Variants in ECEL1 observed in about 807,000 individuals in gnomAD.
The protein encoded by ECEL1 is endothelin converting enzyme like 1, also known as endothelin-converting enzyme-like 1.
Under a neutral mutation model 101.8 loss-of-function variants are expected in ECEL1, and 87 were observed. The observed-to-expected ratio is 0.85, with a 90% confidence interval of 0.72 to 1.02. The LOEUF (loss-of-function observed/expected upper bound fraction) is 1.02, where lower values mean the gene tolerates loss of function less well. Among genes scored for constraint, ECEL1 ranks in the 50% least tolerant of loss-of-function variants. The pLI, the probability that ECEL1 is intolerant of heterozygous loss-of-function variation, is 0.00. For missense variants in ECEL1, 1,032 were observed against 1,079.2 expected (o/e 0.96, Z 0.61); for synonymous variants, 487 against 468.7 (o/e 1.04, Z -0.50).
intron 4 of ECEL1, 42 bp from the exon 5 acceptor site, chr2:232,484,935 T>C: frequency 6.2e-7 from 1 of 1,612,976 alleles, no homozygotes; most frequent in East Asian, 2.2e-5. Flanking sequence ...TGCTCCATGA[T>C]GCCCTCCCTC....
chr2:232,480,536 T>G, intron 16 of ECEL1, 61 bp from the exon 17 acceptor site: 1 of 1,601,466 alleles, frequency 6.2e-7, no homozygotes, highest in South Asian at 1.1e-5. Flanking sequence ...TCCGCCCCCT[T>G]GCCCCCCACC....
intron 9 of ECEL1, 33 bp downstream of exon 9, chr2:232,483,072 T>C (rs780468559): frequency 1.4e-5 from 22 of 1,611,352 alleles, no homozygotes; most frequent in South Asian, 6.6e-5. Context: ...AGAGGGGCTG[T>C]GGACAGGCTG....
intron 16 of ECEL1, 71 bp from the exon 17 acceptor site, chr2:232,480,546 C>A (rs900848137): frequency 1.1e-4 from 177 of 1,590,298 alleles, no homozygotes; most frequent in Middle Eastern, 3.8e-4. Flanking sequence ...TGCCCCCCAC[C>A]CAGCACACAA....
At chr2:232,481,975 G>C (rs1000277741) in intron 12 of ECEL1, 126 bp from the exon 13 acceptor site, 2 of 1,253,724 alleles carry the variant, frequency 1.6e-6, no homozygotes, top group Non-Finnish European at 2.2e-6. Context: ...AGAGGCATCC[G>C]TGCGGTCCAG....
chr2:232,486,216 G>C lies in ECEL1; in HGVS notation c.438C>G (p.Thr146=). ...RRHAIPDDKL[T]YGTIAAIGEQ... ...CGCCGATGGCCGCGATGGTGCCATA[G>C]GTGAGCTTGTCGTCGGGGATGGCGT... Residue 146 remains threonine, a synonymous_variant, in exon 2 of 18, where the codon ACC becomes ACG. Transcript: ENST00000304546. 6.2e-7 allele frequency: 1 copy of C among 1,601,446 alleles called. No individual in the cohort carries two copies. Among genetic ancestry groups the C allele is most frequent in the Admixed American group, 1.7e-5 (1 of 59,838 alleles).
chr2:232,480,922 C>T lies in ECEL1; in HGVS notation c.2056-109G>A, dbSNP rs371709795. ...CCTGCTCTCCCTGTGAAGGGGGGCC[C>T]GTGAATCCTTCCTCTTCCAGTGGAC... On this transcript the variant is annotated intron_variant, in intron 15 of 17. Coordinates refer to ENST00000304546, the MANE Select transcript of ECEL1 (RefSeq NM_004826.4). The T allele has an allele frequency of 1.4e-4, 191 of 1,348,252 alleles. No homozygotes were observed. The African/African-American group carries it at 2.3e-3, about 16-fold the overall frequency. 83.5% of individuals were successfully genotyped at this position (1,348,252 alleles called of 1,614,324 possible). A position where few individuals can be genotyped will look rare whatever the true frequency, so the allele number is the denominator to read the frequency against.
In ECEL1 at chr2:232,484,493, A is replaced by C. The variant is rs371320984; in HGVS notation, c.1163T>G (p.Leu388Arg). ...ATACCGGTGGGGTGTGGAGCGGATG[A>C]GCTGCGACACCTGCTGCATGTAGTC... ...ATDYMQQVSQ[L>R]IRSTPHRVLH... is the part of the protein sequence containing the mutation. Residue 388 changes from leucine to arginine, a missense_variant, in exon 6 of 18, where the codon CTC becomes CGC. Leu to Arg is a moderately radical substitution (Grantham distance 102). Coordinates refer to ENST00000304546, the MANE Select transcript of ECEL1 (RefSeq NM_004826.4). 2.6e-5 allele frequency: 42 copies of C among 1,613,756 alleles called. No homozygotes were observed. Among genetic ancestry groups the C allele is most frequent in the Non-Finnish European group, 3.5e-5 (41 of 1,179,998 alleles).
In ECEL1 at chr2:232,487,761, G is replaced by C. The variant is rs927111769; in HGVS notation, c.-144C>G. On this transcript the variant is annotated 5_prime_UTR_variant, in exon 1 of 18. Transcript: ENST00000304546. ...GAGCCGGCGGTGACCGAGCGGGTCG[G>C]GCCCGAGCGGGGGCCTGAGCCGCAG... 1 of 150,218 alleles carries C rather than the reference G, an allele frequency of 6.7e-6. No individual in the cohort carries two copies. Among genetic ancestry groups the C allele is most frequent in the South Asian group, 2.0e-4 (1 of 4,948 alleles). The allele number at this position is 150,218 out of a possible 1,614,324, so 9.3% of individuals were successfully genotyped here. A position where few individuals can be genotyped will look rare whatever the true frequency, so the allele number is the denominator to read the frequency against.
At chr2:232,482,371 A>G (rs1482977048) in intron 12 of ECEL1, 47 bp downstream of exon 12, 10 of 1,612,670 alleles carry the variant, frequency 6.2e-6, no homozygotes, top group South Asian at 2.2e-5. Context: ...AAGGTCTGCA[A>G]TGCCAGCCCT....
chr2:232,483,868 C>A, intron 7 of ECEL1, 133 bp downstream of exon 7: 1 of 1,033,554 alleles, frequency 9.7e-7, no homozygotes, highest in African/African-American at 1.6e-5. Flanking sequence ...TCAGAATCGG[C>A]TGAGTACTTA....
Position 232,486,293 on chromosome 2 carries a change from C to T in ECEL1, c.361G>A (p.Asp121Asn), listed in dbSNP as rs1444053155. The change falls in exon 2 of 18, where the codon GAC becomes AAC. Residue 121 changes from aspartate (D) to asparagine (N), a missense_variant. Coordinates refer to ENST00000304546, the MANE Select transcript of ECEL1 (RefSeq NM_004826.4). ...AACGAGTAGAAGTCCTGGCATGGGT[C>T]GATGCTGGCGTCCAGGTTGGCGGCC... Reference protein sequence around the residue: ...FLAANLDASIDPCQDFYSFAC... With the variant: ...FLAANLDASINPCQDFYSFAC... 6.3e-7 allele frequency: 1 copy of T among 1,592,682 alleles called. No individual in the cohort carries two copies.
At chr2:232,485,447 G>C (rs1347888201) in intron 2 of ECEL1, among the ~76,000 whole-genome samples, 180 bp from the exon 3 acceptor site, 1 of 152,186 alleles carries the variant, frequency 6.6e-6, no homozygotes, top group Non-Finnish European at 1.5e-5. Context: ...ATCCCTGACT[G>C]TCCCAGCCTG....
chr2:232,485,340 C>A, intron 2 of ECEL1, 73 bp from the exon 3 acceptor site: 1 of 1,536,040 alleles, frequency 6.5e-7, no homozygotes, highest in Non-Finnish European at 8.9e-7. Flanking sequence ...AATTCCCACT[C>A]CAATGCCCAG....
rs199916648 is a variant in ECEL1, at chr2:232,483,147, C to T, written c.1539G>A (p.Pro513=). 8.6e-5 allele frequency: 139 copies of T among 1,608,570 alleles called. 1 individual carries two copies. Among genetic ancestry groups the T allele is most frequent in the Middle Eastern group, 1.7e-4 (1 of 6,058 alleles). Reference sequence around the variant, plus strand: ...CAGCATCGGGTTTCAGCAGGAAGTCCGGGTAGCCGACCATCACCATCATGT... The same window carrying T: ...CAGCATCGGGTTTCAGCAGGAAGTCTGGGTAGCCGACCATCACCATCATGT... ...LQYMMVMVGY[P]DFLLKPDAVD... The change falls in exon 9 of 18, where the codon CCG becomes CCA. Residue 513 remains proline, a synonymous_variant. Transcript: ENST00000304546.
chr2:232,480,355 C>T (rs1359536654), intron 17 of ECEL1, 44 bp downstream of exon 17: 1 of 1,612,760 alleles, frequency 6.2e-7, no homozygotes, highest in Admixed American at 1.7e-5. Context: ...GATCCCACCC[C>T]AAACACAAGG....
chr2:232,486,043 A>T lies in ECEL1; in HGVS notation c.611T>A (p.Val204Asp). The change falls in exon 2 of 18, where the codon GTC (valine) becomes GAC (aspartate). Residue 204 changes from valine (V) to aspartate (D), a missense_variant. Physicochemically the swap from Val to Asp is radical, Grantham distance 152. Transcript: ENST00000304546. ...GTCCCAGCCCCCGCAGTCCTCGATG[A>T]CCTCTAGCATGGGTCGCGGGCCCAG... Reference protein sequence around the residue: ...ERLGPRPMLEVIEDCGGWDLG... With the variant: ...ERLGPRPMLEDIEDCGGWDLG... The T allele has an allele frequency of 6.2e-7, 1 of 1,608,926 alleles. No individual in the cohort carries two copies. Among genetic ancestry groups the T allele is most frequent in the Non-Finnish European group, 8.5e-7 (1 of 1,178,616 alleles).
Position 232,486,397 on chromosome 2 carries a change from C to T in ECEL1, c.257G>A (p.Gly86Asp). The T allele has an allele frequency of 6.8e-7, 1 of 1,478,678 alleles. No individual in the cohort carries two copies. 91.6% of individuals were successfully genotyped at this position (1,478,678 alleles called of 1,614,324 possible). Reference protein sequence around the residue: ...LAAMLALKYLGPVAAGGGACP... With the variant: ...LAAMLALKYLDPVAAGGGACP... The stretch of plus-strand genomic sequence containing the variant: ...GGCGCCGCCGCCGGCCGCGACCGGG[C>T]CCAGGTACTTGAGGGCCAGCATAGC... The change falls in exon 2 of 18, where the codon GGC (glycine) becomes GAC (aspartate). Residue 86 changes from glycine (G) to aspartate (D), a missense_variant. By Grantham distance (94) the Gly-to-Asp change is moderately conservative (BLOSUM62 -1). Coordinates refer to ENST00000304546, the MANE Select transcript of ECEL1 (RefSeq NM_004826.4).
At position 232,479,831 on chromosome 2, in the gene ECEL1, G is replaced by A. The variant is rs542751714; in HGVS notation, c.*322C>T. 81 of 367,622 alleles carry A rather than the reference G, an allele frequency of 2.2e-4. No individual in the cohort carries two copies. Among genetic ancestry groups the A allele is most frequent in the African/African-American group, 1.6e-3 (76 of 48,550 alleles). The allele number at this position is 367,622 out of a possible 1,614,324, so 22.8% of individuals were successfully genotyped here. On this transcript the variant is annotated 3_prime_UTR_variant, in exon 18 of 18. Transcript: ENST00000304546. ...GACCCGTGAAGAGGCCAAGGCAACA[G>A]TGCAGTGATTTATTGACCAGACTTT...
chr2:232,486,570 C>T lies in ECEL1; in HGVS notation c.84G>A (p.Ala28=), dbSNP rs780969671. The T allele has an allele frequency of 1.4e-6, 2 of 1,379,772 alleles. No individual in the cohort carries two copies. Among genetic ancestry groups the T allele is most frequent in the African/African-American group, 1.5e-5 (1 of 66,240 alleles). The allele number at this position is 1,379,772 out of a possible 1,614,324, so 85.5% of individuals were successfully genotyped here. A position where few individuals can be genotyped will look rare whatever the true frequency, so the allele number is the denominator to read the frequency against. Residue 28 remains alanine, a synonymous_variant, in exon 2 of 18, where the codon GCG becomes GCA. Transcript: ENST00000304546. ...KYVSRCGAGG[A]RGASLPPGFP... is the part of the protein sequence containing the mutation. ...AGCCCGGGGGCAGGGAGGCCCCGCG[C>T]GCGCCCCCCGCGCCGCAGCGGCTCA...
Sources: gnomAD v4.1 joint callset for allele counts (sites outside exome capture counted in the v4.1 genomes callset) on GRCh38, gnomAD v4.1.1 for gene constraint, MANE v1.5 for transcripts, NCBI Gene and HGNC (gene_info 2026-07-23, HGNC 2026-07-21) for gene names.